The following DOCK5 variants were observed in gnomAD, a reference collection of about 807,000 sequenced individuals.
DOCK5 encodes dedicator of cytokinesis protein 5.
DOCK5 carries 142 observed loss-of-function variants against 251.8 expected under a neutral mutation model. That is an observed-to-expected ratio of 0.56 (90% CI 0.49 to 0.65). DOCK5 has a LOEUF of 0.65. Ranked by LOEUF, DOCK5 falls within the 30% of genes least tolerant of loss-of-function variation. The pLI is 0.00. For missense variants in DOCK5, 2,111 were observed against 2,312.3 expected, an observed-to-expected ratio of 0.91 and a Z score of 1.79; for synonymous variants, 842 against 835.5, an observed-to-expected ratio of 1.01 and a Z score of -0.13.
intron 42 of DOCK5, among the ~76,000 whole-genome samples, chr8:25,391,156 C>T (rs533403802): frequency 5.3e-5 from 8 of 152,140 alleles, no homozygotes; most frequent in African/African-American, 1.9e-4. Flanking sequence ...CCCTCCCTCC[C>T]ACCTCAGCCT....
In DOCK5 at chr8:25,295,346, A is replaced by T. The variant is rs1032447216; in HGVS notation, c.471-1167A>T. Among the ~76,000 whole-genome samples, 4 of 151,746 alleles carry T rather than the reference A, an allele frequency of 2.6e-5. No individual in the cohort carries two copies. The East Asian group carries it at 7.8e-4, about 29-fold the overall frequency. On this transcript the variant is annotated intron_variant, in intron 6 of 51. Coordinates refer to ENST00000276440, the MANE Select transcript of DOCK5 (RefSeq NM_024940.8). ...AGTCCCAGCTACTTGGAAGGCTGAG[A>T]CAGGGACTGCTTGAGCCCAGGAGTT...
chr8:25,247,091 A>T (rs889049792), intron 2 of DOCK5, among the ~76,000 whole-genome samples: 1 of 151,948 alleles, frequency 6.6e-6, no homozygotes, highest in Admixed American at 6.6e-5. Context: ...GGTCTCACCA[A>T]GTTGCTCAGG....
chr8:25,402,465 T>G (rs1028367404), intron 47 of DOCK5, among the ~76,000 whole-genome samples: 3 of 152,124 alleles, frequency 2.0e-5, no homozygotes, highest in African/African-American at 4.8e-5. Context: ...CCCAGCTATT[T>G]TTTTGCATTT....
Position 25,310,390 on chromosome 8 carries a change from C to T in DOCK5, c.1193-17C>T, listed in dbSNP as rs762473425. The T allele has an allele frequency of 6.3e-7, 1 of 1,593,834 alleles. No individual in the cohort carries two copies. The highest frequency in any genetic ancestry group is 1.1e-5 in the South Asian group (1 of 87,754). On this transcript the variant is annotated splice_polypyrimidine_tract_variant and intron_variant, in intron 12 of 51. Coordinates refer to ENST00000276440, the MANE Select transcript of DOCK5 (RefSeq NM_024940.8). ...ATCATACAAAGAACTAAACGTTTAT[C>T]TTTTATTTCTTTTAAGGCCTTTGGG... is the stretch of plus-strand genomic sequence containing the variant.
At chr8:25,355,358 AT>A (rs1270029620) in intron 27 of DOCK5, among the ~76,000 whole-genome samples, 1 of 152,226 alleles carries the variant, frequency 6.6e-6, no homozygotes, top group Admixed American at 6.5e-5. Context: ...AATTGTCATT[AT>A]TTTTAGCTGA....
At chr8:25,387,818 T>C (rs1173597794) in intron 40 of DOCK5, among the ~76,000 whole-genome samples, 2 of 152,192 alleles carry the variant, frequency 1.3e-5, no homozygotes, top group Non-Finnish European at 2.9e-5. Context: ...CATCTGTCTA[T>C]GCCCATCTAA....
intron 1 of DOCK5, among the ~76,000 whole-genome samples, chr8:25,236,759 G>GT (rs200538504): frequency 0.054 from 8,087 of 149,940 alleles, 487 homozygotes; most frequent in African/African-American, 0.16. Context: ...TTTTTTGTGT[G>GT]GTTTTTTTTT....
At chr8:25,216,176 G>GTATA (rs1171784902) in intron 1 of DOCK5, among the ~76,000 whole-genome samples, 146 of 130,736 alleles carry the variant, frequency 1.1e-3, no homozygotes, top group African/African-American at 3.7e-3. Flanking sequence ...TACAATATGT[G>GTATA]CATACAATAT....
chr8:25,362,130 T>C (rs1449987700), intron 28 of DOCK5, among the ~76,000 whole-genome samples: 3 of 152,226 alleles, frequency 2.0e-5, no homozygotes, highest in Admixed American at 2.0e-4. Context: ...ACGATCCATT[T>C]TGAAGGACCG....
chr8:25,358,922 G>T (rs776592537), intron 27 of DOCK5, 41 bp from the exon 28 acceptor site: 2 of 1,566,758 alleles, frequency 1.3e-6, no homozygotes, highest in East Asian at 4.5e-5. Flanking sequence ...TCAGTTGGTG[G>T]TCTAAGGAGT....
rs1435515675 is a variant in DOCK5 at position 25,368,048 on chromosome 8, G to A, written c.3225-144G>A. 1.2e-5 allele frequency: 7 copies of A among 597,514 alleles called. No individual in the cohort carries two copies. In the East Asian group the frequency reaches 1.5e-4, roughly 13 times the overall value. 37.0% of individuals were successfully genotyped at this position (597,514 alleles called of 1,614,324 possible). A position where few individuals can be genotyped will look rare whatever the true frequency, so the allele number is the denominator to read the frequency against. On this transcript the variant is annotated intron_variant, in intron 31 of 51. Transcript: ENST00000276440. Reference sequence around the variant, plus strand: ...TGCGCCTCATTCCTTTTGGGGGCTCGTTTAGGTATGAACCTCATCTCTTAA... The same window carrying A: ...TGCGCCTCATTCCTTTTGGGGGCTCATTTAGGTATGAACCTCATCTCTTAA...
Position 25,304,342 on chromosome 8 carries a change from A to C in DOCK5, c.1049+15A>C, listed in dbSNP as rs1804845188. The C allele has an allele frequency of 2.5e-6, 4 of 1,599,256 alleles. No homozygotes were observed. In the African/African-American group the frequency reaches 5.4e-5, roughly 21 times the overall value. On this transcript the variant is annotated intron_variant, in intron 11 of 51. Coordinates refer to ENST00000276440, the MANE Select transcript of DOCK5 (RefSeq NM_024940.8). ...CCCTTTCAGCAGTAAGTACTTTGGC[A>C]TGTGTCCCAGGTGACTTGAGACCTG...
chr8:25,194,180 G>A (rs1801659038), intron 1 of DOCK5, among the ~76,000 whole-genome samples: 1 of 151,354 alleles, frequency 6.6e-6, no homozygotes, highest in Non-Finnish European at 1.5e-5. Context: ...TGTCATTGCA[G>A]CTACTAGGGA....
At chr8:25,265,022 T>C (rs1803700793) in intron 2 of DOCK5, among the ~76,000 whole-genome samples, 1 of 151,972 alleles carries the variant, frequency 6.6e-6, no homozygotes, top group African/African-American at 2.4e-5. Flanking sequence ...TAATTAATCT[T>C]GGCTACACAT....
rs76805894 is a variant in DOCK5 at position 25,300,299 on chromosome 8, A to G, written c.765-277A>G. Among the ~76,000 whole-genome samples, 660 of 152,334 alleles carry G rather than the reference A, an allele frequency of 4.3e-3. 5 individuals carry two copies. Among genetic ancestry groups the G allele is most frequent in the East Asian group, 0.039 (202 of 5,182 alleles). The stretch of plus-strand genomic sequence containing the variant: ...CAGACCGTAGCATCCCATAAGCTCT[A>G]CCATGTCTGTGCCCACCAGGAGCAG... On this transcript the variant is annotated intron_variant, in intron 8 of 51. Transcript: ENST00000276440.
Position 25,372,713 on chromosome 8 carries a change from G to C in DOCK5, c.3679G>C (p.Val1227Leu), listed in dbSNP as rs771407695. ...GAACCGTATGAGCTGCACTGTGAAC[G>C]TGCTGGTATGTGACATGCCTCCGGT... ...KENRMSCTVN[V>L]LNFYKEKKRE... Residue 1227 changes from valine to leucine, a missense_variant, in exon 35 of 52, where the codon GTG becomes CTG. Val to Leu is a conservative substitution (Grantham distance 32). Transcript: ENST00000276440. 16 of 1,609,570 alleles carry C rather than the reference G, an allele frequency of 9.9e-6. No homozygotes were observed. The highest frequency in any genetic ancestry group is 1.6e-4 in the Middle Eastern group (1 of 6,074).
chr8:25,301,520 A>G (rs1804762272), intron 9 of DOCK5, among the ~76,000 whole-genome samples: 1 of 152,134 alleles, frequency 6.6e-6, no homozygotes, highest in South Asian at 2.1e-4. Context: ...CTGAAGTCGA[A>G]CTGAATGAGA....
intron 22 of DOCK5, 130 bp from the exon 23 acceptor site, chr8:25,340,747 G>A: frequency 1.4e-6 from 1 of 740,362 alleles, no homozygotes; most frequent in Non-Finnish European, 2.2e-6. Context: ...TCAGATGACT[G>A]GGGCTTAATT....
intron 40 of DOCK5, among the ~76,000 whole-genome samples, chr8:25,387,154 T>C (rs1324442829): frequency 6.6e-6 from 1 of 151,706 alleles, no homozygotes; most frequent in Non-Finnish European, 1.5e-5. Flanking sequence ...CTGTCAGGGG[T>C]ACCACTGTTC....
Sources: allele counts gnomAD v4.1 joint callset (sites outside exome capture counted in the v4.1 genomes callset), GRCh38; gene constraint gnomAD v4.1.1; transcripts MANE v1.5; gene names NCBI Gene and HGNC (gene_info 2026-07-23, HGNC 2026-07-21).